GPR179: variants seen among roughly 807,000 people sequenced by gnomAD.
The protein encoded by GPR179 is probable G protein-coupled receptor 179.
A neutral mutation model predicts 70.8 loss-of-function variants in GPR179; 52 were observed. The observed-to-expected ratio is 0.73, with a 90% CI of 0.59 to 0.93. GPR179 has a LOEUF of 0.93. GPR179 is among the 40% of genes least tolerant of loss of function. GPR179 has a pLI of 0.00. For synonymous variants in GPR179, 1,123 were observed against 1,169.0 expected (o/e 0.96, Z 0.80); for missense variants, 2,734 against 2,966.8 (o/e 0.92, Z 1.82).
intron 1 of GPR179, among the ~76,000 whole-genome samples, chr17:38,342,273 C>T (rs1462465190): frequency 6.6e-6 from 1 of 152,102 alleles, no homozygotes; most frequent in Non-Finnish European, 1.5e-5. Context: ...ACCTCTCCTG[C>T]CTCTTGCACT....
Position 38,327,817 on chromosome 17 carries a change from G to A in GPR179, c.5752C>T (p.Gln1918Ter). 2 of 1,614,140 alleles carry A rather than the reference G, an allele frequency of 1.2e-6. No individual in the cohort carries two copies. The highest frequency in any genetic ancestry group is 1.3e-5 in the African/African-American group (1 of 75,026). Residue 1918 changes from glutamine to a stop codon, truncating the protein, a stop_gained, in exon 11 of 11, where the codon CAA (glutamine) becomes TAA (stop). Coordinates refer to ENST00000616987, the MANE Select transcript of GPR179 (RefSeq NM_001004334.4). LOFTEE classifies it low-confidence loss of function (END_TRUNC). Reference sequence around the variant, plus strand: ...GGGAAGGAACCTGTCTTTGGGTCTTGTCTCAGGTCCCCCTTCTCTGTTGCT... The same window carrying A: ...GGGAAGGAACCTGTCTTTGGGTCTTATCTCAGGTCCCCCTTCTCTGTTGCT... Reference protein sequence around the residue: ...LEATEKGDLRQDPKTGSFPEH... With the variant: ...LEATEKGDLR
rs1423890143 is a variant in GPR179 at position 38,339,389 on chromosome 17, T to G, written c.903+28A>C. On this transcript the variant is annotated intron_variant, in intron 2 of 10. Coordinates refer to ENST00000616987, the MANE Select transcript of GPR179 (RefSeq NM_001004334.4). ...AAAGGGGAGGGAGGCAGGACTCTAG[T>G]AGCGCCCCCCATCCTCCTCATCCTT... The G allele has an allele frequency of 2.8e-6, 4 of 1,440,386 alleles. No individual in the cohort carries two copies. In the African/African-American group the frequency reaches 4.2e-5, roughly 15 times the overall value. 89.2% of individuals were successfully genotyped at this position (1,440,386 alleles called of 1,614,324 possible). A position where few individuals can be genotyped will look rare whatever the true frequency, so the allele number is the denominator to read the frequency against.
chr17:38,328,278 C>G lies in GPR179; in HGVS notation c.5291G>C (p.Trp1764Ser). 6.2e-7 allele frequency: 1 copy of G among 1,613,990 alleles called. No homozygotes were observed. The highest frequency in any genetic ancestry group is 1.1e-5 in the South Asian group (1 of 91,076). ...PTPEWEVACP[W>S]GSVGPGACSQ... The stretch of plus-strand genomic sequence containing the variant: ...ACAGGCCCCTGGACCCACACTCCCC[C>G]AGGGACAAGCCACCTCCCACTCTGG... The change falls in exon 11 of 11, where the codon TGG becomes TCG. Residue 1764 changes from tryptophan (W) to serine (S), a missense_variant. By Grantham distance (177) the Trp-to-Ser change is radical. Coordinates refer to ENST00000616987, the MANE Select transcript of GPR179 (RefSeq NM_001004334.4).
Position 38,331,329 on chromosome 17 carries a change from G to A in GPR179, c.2240C>T (p.Pro747Leu). The A allele has an allele frequency of 6.2e-7, 1 of 1,608,988 alleles. No individual in the cohort carries two copies. The highest frequency in any genetic ancestry group is 1.1e-5 in the South Asian group (1 of 90,494). Residue 747 changes from proline to leucine, a missense_variant, in exon 11 of 11, where the codon CCC becomes CTC. Transcript: ENST00000616987. ...DSGSPGHGSL[P>L]GSSRRRLLSS... ...GAGGAGCCGGCGGCGGGAGGAGCCG[G>A]GCAGGCTGCCGTGGCCTGGGGATCC...
intron 3 of GPR179, 95 bp downstream of exon 3, chr17:38,337,538 G>T: frequency 9.1e-7 from 1 of 1,096,960 alleles, no homozygotes; most frequent in Non-Finnish European, 1.4e-6. Context: ...TTCCCTCCCA[G>T]TGTCTCACCC....
At chr17:38,340,771 A>C (rs2037442740) in intron 1 of GPR179, among the ~76,000 whole-genome samples, 1 of 152,004 alleles carries the variant, frequency 6.6e-6, no homozygotes. Context: ...TACAAAAATC[A>C]GCCGGGCATG....
At position 38,333,322 on chromosome 17, in the gene GPR179, AG is replaced by A. The variant is rs1305703812; in HGVS notation, c.1965del (p.Ser656GlnfsTer27). ...EVCEDELDLQ[H>X]SGSYLGSSIA... ...ATGCTGCTGCCAAGGTAGGAGCCTG[AG>A]TGCTGCAGGTCCAGCTCGTCCTCAC... On this transcript the variant is annotated frameshift_variant, in exon 10 of 11. Coordinates refer to ENST00000616987, the MANE Select transcript of GPR179 (RefSeq NM_001004334.4). LOFTEE classifies it high-confidence loss of function. 4 of 1,613,894 alleles carry A rather than the reference AG, an allele frequency of 2.5e-6. No homozygotes were observed. The African/African-American group carries it at 5.3e-5, about 22-fold the overall frequency.
In GPR179 at chr17:38,337,649, C is replaced by CCA; in HGVS notation, c.974_975insTG (p.Ala326GlyfsTer8). On this transcript the variant is annotated frameshift_variant, in exon 3 of 11. Coordinates refer to ENST00000616987, the MANE Select transcript of GPR179 (RefSeq NM_001004334.4). LOFTEE classifies it high-confidence loss of function. ...CTTACATACCCCCAGAGGGGCTTGC[C>CCA]CCGTAGAATCCAGGTCGGCAGCGGC... 6.2e-7 allele frequency: 1 copy of CCA among 1,606,658 alleles called. No individual in the cohort carries two copies. The highest frequency in any genetic ancestry group is 8.5e-7 in the Non-Finnish European group (1 of 1,176,736).
Position 38,328,946 on chromosome 17 carries a change from C to T in GPR179, c.4623G>A (p.Thr1541=), listed in dbSNP as rs371556279. 42 of 1,613,792 alleles carry T rather than the reference C, an allele frequency of 2.6e-5. No individual in the cohort carries two copies. Among genetic ancestry groups the T allele is most frequent in the Non-Finnish European group, 3.2e-5 (38 of 1,179,860 alleles). The change falls in exon 11 of 11, where the codon ACG becomes ACA. Residue 1541 remains threonine (T), a synonymous_variant. Coordinates refer to ENST00000616987, the MANE Select transcript of GPR179 (RefSeq NM_001004334.4). ...QQESVCPRES[T]VPGHSSPCLD... ...GACATGGGCTGGAGTGCCCAGGGACCGTGCTCTCCCTGGGACAAACTGACT... is the reference window on the plus strand; with the variant it reads ...GACATGGGCTGGAGTGCCCAGGGACTGTGCTCTCCCTGGGACAAACTGACT...
intron 10 of GPR179, 140 bp from the exon 11 acceptor site, chr17:38,331,671 A>C: frequency 3.6e-6 from 5 of 1,403,742 alleles, no homozygotes; most frequent in East Asian, 2.6e-5. Context: ...TGCTTCTAAA[A>C]CTCTCGTAAT....
Position 38,328,532 on chromosome 17 carries a change from G to A in GPR179, c.5037C>T (p.Gly1679=), listed in dbSNP as rs760773047. ...ERPQTLLQMS[G]SVGSKAADIC... The stretch of plus-strand genomic sequence containing the variant: ...TGTCGGCAGCTTTGCTTCCCACACT[G>A]CCTGACATCTGGAGAAGGGTTTGGG... The change falls in exon 11 of 11, where the codon GGC becomes GGT. Residue 1679 remains glycine, a synonymous_variant. Transcript: ENST00000616987. The A allele has an allele frequency of 6.2e-7, 1 of 1,613,886 alleles. No individual in the cohort carries two copies. Among genetic ancestry groups the A allele is most frequent in the Non-Finnish European group, 8.5e-7 (1 of 1,179,986 alleles).
intron 2 of GPR179, 114 bp downstream of exon 2, chr17:38,339,303 C>G (rs965578003): frequency 3.7e-5 from 25 of 674,286 alleles, no homozygotes; most frequent in Admixed American, 2.6e-4. Context: ...CCCTGAAGCC[C>G]TGAGATGCTG....
chr17:38,343,782 G>A lies in GPR179; in HGVS notation c.8C>T (p.Thr3Ile). 2 of 1,506,584 alleles carry A rather than the reference G, an allele frequency of 1.3e-6. No individual in the cohort carries two copies. Among genetic ancestry groups the A allele is most frequent in the Non-Finnish European group, 1.8e-6 (2 of 1,130,080 alleles). 93.3% of individuals were successfully genotyped at this position (1,506,584 alleles called of 1,614,324 possible). Reference sequence around the variant, plus strand: ...AGGAGGGGGCATGACCGCTCCCCTGGTGCCCATCCTTGGGGCAGCTCTCAG... The same window carrying A: ...AGGAGGGGGCATGACCGCTCCCCTGATGCCCATCCTTGGGGCAGCTCTCAG... Reference protein sequence around the residue: MGTRGAVMPPPMW... With the variant: MGIRGAVMPPPMW... The change falls in exon 1 of 11, where the codon ACC becomes ATC. Residue 3 changes from threonine (T) to isoleucine (I), a missense_variant. Thr to Ile is a moderately conservative substitution (Grantham distance 89, BLOSUM62 -1). Coordinates refer to ENST00000616987, the MANE Select transcript of GPR179 (RefSeq NM_001004334.4). This position sits in a 1 kb window ranked among gnomAD's most constrained non-coding sequence, Gnocchi z 4.2.
chr17:38,341,572 G>A (rs1432742792), intron 1 of GPR179, among the ~76,000 whole-genome samples: 1 of 152,188 alleles, frequency 6.6e-6, no homozygotes, highest in Non-Finnish European at 1.5e-5. Flanking sequence ...CAATGAATGG[G>A]GACACAGAGC....
At position 38,328,623 on chromosome 17, in the gene GPR179, C is replaced by T. The variant is rs1049146889; in HGVS notation, c.4946G>A (p.Gly1649Asp). 6.2e-7 allele frequency: 1 copy of T among 1,614,192 alleles called. No homozygotes were observed. The highest frequency in any genetic ancestry group is 1.3e-5 in the African/African-American group (1 of 75,028). Residue 1649 changes from glycine (G) to aspartate (D), a missense_variant, in exon 11 of 11, where the codon GGC becomes GAC. Physicochemically the swap from Gly to Asp is moderately conservative, Grantham distance 94. Coordinates refer to ENST00000616987, the MANE Select transcript of GPR179 (RefSeq NM_001004334.4). ...GCCAGGGTCCACACTCTCCCAGGGG[C>T]CGACCGCTTCTTGCTTTTGGATCTG... ...EGQIQKQEAVGPWESVDPGSF... is the reference protein window; with the variant it reads ...EGQIQKQEAVDPWESVDPGSF...
In GPR179 at chr17:38,325,159, C is replaced by G. The variant is rs1567720929; in HGVS notation, c.*1306G>C. On this transcript the variant is annotated 3_prime_UTR_variant, in exon 11 of 11. Transcript: ENST00000616987. ...TTCTTTGTATGTTTTTCTCCTTCTT[C>G]CTTTCCCTCTGGTATTATCATCTAA... Among the ~76,000 whole-genome samples the G allele has an allele frequency of 6.6e-6, 1 of 152,124 alleles. No individual in the cohort carries two copies. Among genetic ancestry groups the G allele is most frequent in the Non-Finnish European group, 1.5e-5 (1 of 68,020 alleles).
In GPR179 at chr17:38,334,128, AC is replaced by A; in HGVS notation, c.1785-91del. On this transcript the variant is annotated intron_variant, in intron 8 of 10. Coordinates refer to ENST00000616987, the MANE Select transcript of GPR179 (RefSeq NM_001004334.4). The surrounding 1 kb of genome is among the most constrained non-coding windows in gnomAD (Gnocchi z 4.7). ...TCACTGGCGTTTCACCTCAGCCCCA[AC>A]CCTGATACGCTTAGGACGAGGGGGC... 1.1e-6 allele frequency: 1 copy of A among 903,780 alleles called. No individual in the cohort carries two copies. The highest frequency in any genetic ancestry group is 1.8e-6 in the Non-Finnish European group (1 of 540,792). The allele number at this position is 903,780 out of a possible 1,614,324, so 56.0% of individuals were successfully genotyped here. A position where few individuals can be genotyped will look rare whatever the true frequency, so the allele number is the denominator to read the frequency against.
intron 5 of GPR179, 22 bp from the exon 6 acceptor site, chr17:38,335,722 C>A: frequency 6.7e-7 from 1 of 1,490,088 alleles, no homozygotes; most frequent in Non-Finnish European, 9.4e-7. Flanking sequence ...GGGCAAAAAT[C>A]TCTGCTCTCT....
chr17:38,330,356 T>C lies in GPR179; in HGVS notation c.3213A>G (p.Lys1071=). Residue 1071 remains lysine (K), a synonymous_variant, in exon 11 of 11, where the codon AAA becomes AAG. Coordinates refer to ENST00000616987, the MANE Select transcript of GPR179 (RefSeq NM_001004334.4). Reference sequence around the variant, plus strand: ...GAACAGGGGCCTTGAGGCTGTGGGATTTAGGGAAGATCTTGGGCCTGTCTT... The same window carrying C: ...GAACAGGGGCCTTGAGGCTGTGGGACTTAGGGAAGATCTTGGGCCTGTCTT... The part of the protein sequence containing the change: ...VDEDRPKIFP[K]SHSLKAPVQQ... 1 of 1,613,892 alleles carries C rather than the reference T, an allele frequency of 6.2e-7. No homozygotes were observed. Among genetic ancestry groups the C allele is most frequent in the African/African-American group, 1.3e-5 (1 of 75,028 alleles).
Sources: gnomAD v4.1 joint callset for allele counts (sites outside exome capture counted in the v4.1 genomes callset) on GRCh38, gnomAD v4.1.1 for gene constraint, Gnocchi (gnomAD v3.1) non-coding constraint, MANE v1.5 for transcripts, NCBI Gene and HGNC (gene_info 2026-07-23, HGNC 2026-07-21) for gene names.